GREB1: variants seen among roughly 807,000 people sequenced by gnomAD.
GREB1 encodes protein GREB1.
A neutral mutation model predicts 200.7 loss-of-function variants in GREB1; 106 were observed. The observed-to-expected ratio is 0.53, with a 90% CI of 0.45 to 0.62. GREB1 has a LOEUF of 0.62. Ranked by LOEUF, GREB1 falls within the 20% of genes least tolerant of loss-of-function variation. GREB1 has a pLI of 0.00. For missense variants in GREB1, 2,243 were observed against 2,556.8 expected, an observed-to-expected ratio of 0.88 and a Z score of 2.65; for synonymous variants, 1,132 against 1,092.4, an observed-to-expected ratio of 1.04 and a Z score of -0.72.
chr2:11,537,244 G>A (rs945324329), intron 1 of GREB1, among the ~76,000 whole-genome samples: 3 of 152,070 alleles, frequency 2.0e-5, no homozygotes, highest in Non-Finnish European at 4.4e-5. Context: ...GATAACAGTC[G>A]TGAGCCACCG....
intron 1 of GREB1, among the ~76,000 whole-genome samples, chr2:11,549,769 T>C (rs1331194854): frequency 6.6e-6 from 1 of 152,254 alleles, no homozygotes; most frequent in Non-Finnish European, 1.5e-5. Flanking sequence ...CTGAAGATAT[T>C]AACTGTGGCA....
In GREB1 at chr2:11,576,327, T is replaced by G; in HGVS notation, c.455-26T>G. The G allele has an allele frequency of 2.6e-6, 4 of 1,552,206 alleles. No individual in the cohort carries two copies. The Admixed American group carries it at 6.0e-5, about 23-fold the overall frequency. ...CATCTCAAAAAAAAAAAAAGAAAGATGTTTATGGTTTACTTCCTTCTCCAG... is the reference window on the plus strand; with the variant it reads ...CATCTCAAAAAAAAAAAAAGAAAGAGGTTTATGGTTTACTTCCTTCTCCAG... On this transcript the variant is annotated intron_variant, in intron 4 of 32. Coordinates refer to ENST00000381486, the MANE Select transcript of GREB1 (RefSeq NM_014668.4).
At chr2:11,588,221 C>G in intron 9 of GREB1, 3 of 926,284 alleles carry the variant, frequency 3.2e-6, no homozygotes, top group Non-Finnish European at 3.9e-6. Flanking sequence ...GAGCAAGACA[C>G]TGTCTCAAAA....
At chr2:11,600,457 A>G (rs959590788) in intron 15 of GREB1, among the ~76,000 whole-genome samples, 6 of 152,170 alleles carry the variant, frequency 3.9e-5, no homozygotes, top group Admixed American at 2.6e-4. Context: ...AGATAAGTAC[A>G]CAATCAGATG....
At chr2:11,587,221 C>A (rs1680204148) in intron 9 of GREB1, among the ~76,000 whole-genome samples, 1 of 152,192 alleles carries the variant, frequency 6.6e-6, no homozygotes, top group Non-Finnish European at 1.5e-5. Context: ...TATGTCCAAG[C>A]CCTCCTGAGG....
intron 1 of GREB1, among the ~76,000 whole-genome samples, chr2:11,552,014 T>C (rs1675898793): frequency 6.6e-6 from 1 of 152,274 alleles, no homozygotes; most frequent in Non-Finnish European, 1.5e-5. Context: ...ACTCCGTCTC[T>C]CTTACTGTCC....
In GREB1 at chr2:11,493,006, TC is replaced by T. The variant is rs1028769578; in HGVS notation, c.-159+10628del. On this transcript the variant is annotated intron_variant, in intron 1 of 2. Transcript: ENST00000628795. The surrounding 1 kb of genome is among the most constrained non-coding windows in gnomAD (Gnocchi z 4.6). ...ATCCTGTCAGGAAGCAGAGCCCAAGTCCCAGGAAGGGCTGATGGCAGCTGCT... is the reference window on the plus strand; with the variant it reads ...ATCCTGTCAGGAAGCAGAGCCCAAGTCCAGGAAGGGCTGATGGCAGCTGCT... 6.6e-6 allele frequency among the ~76,000 whole-genome samples: 1 copy of T among 152,166 alleles called. No homozygotes were observed. The highest frequency in any genetic ancestry group is 2.4e-5 in the African/African-American group (1 of 41,460).
At chr2:11,553,122 G>A (rs1323168229) in intron 1 of GREB1, among the ~76,000 whole-genome samples, 1 of 152,098 alleles carries the variant, frequency 6.6e-6, no homozygotes, top group Non-Finnish European at 1.5e-5. Flanking sequence ...TTGGGATAGG[G>A]AGTGGTATTT....
intron 10 of GREB1, among the ~76,000 whole-genome samples, chr2:11,590,317 C>T (rs1293072519): frequency 3.9e-5 from 6 of 152,118 alleles, no homozygotes; most frequent in Non-Finnish European, 7.4e-5. Flanking sequence ...ACTTGGACTC[C>T]GATTGCATCT....
In GREB1 at chr2:11,633,918, A is replaced by T. The variant is rs571128185; in HGVS notation, c.4992-213A>T. ...ATGGAGTTGTTGTGAGAATTGACTA[A>T]ATTATGGTCTGCAAATGTGTTCAGC... is the stretch of plus-strand genomic sequence containing the variant. On this transcript the variant is annotated intron_variant, in intron 28 of 32. Transcript: ENST00000381486. This position sits in a 1 kb window ranked among gnomAD's most constrained non-coding sequence, Gnocchi z 4.1. 1.3e-5 allele frequency among the ~76,000 whole-genome samples: 2 copies of T among 152,300 alleles called. No individual in the cohort carries two copies. The highest frequency in any genetic ancestry group is 1.9e-4 in the East Asian group (1 of 5,176).
intron 26 of GREB1, among the ~76,000 whole-genome samples, chr2:11,630,323 A>G (rs1041660555): frequency 2.0e-5 from 3 of 152,186 alleles, no homozygotes; most frequent in Non-Finnish European, 2.9e-5. Flanking sequence ...TGAACATGTC[A>G]CTTAATATCT....
intron 20 of GREB1, 74 bp from the exon 21 acceptor site, chr2:11,616,557 C>A: frequency 1.1e-6 from 1 of 909,202 alleles, no homozygotes; most frequent in South Asian, 1.3e-5. Flanking sequence ...ACACACTTTA[C>A]ACACTGTGAA....
chr2:11,595,135 C>A, intron 11 of GREB1, 116 bp from the exon 12 acceptor site: 1 of 926,740 alleles, frequency 1.1e-6, no homozygotes, highest in Admixed American at 2.3e-5. Flanking sequence ...AGCTGTTAGC[C>A]ACAGATTCCA....
At chr2:11,544,517 A>T (rs1417220747) in intron 1 of GREB1, among the ~76,000 whole-genome samples, 1 of 151,888 alleles carries the variant, frequency 6.6e-6, no homozygotes, top group Non-Finnish European at 1.5e-5. Context: ...CGCCCGGCCG[A>T]GCCTTTTAAG....
chr2:11,556,429 A>G (rs369717146), intron 1 of GREB1, 25 bp from the exon 2 acceptor site: 1 of 515,438 alleles, frequency 1.9e-6, no homozygotes, highest in Non-Finnish European at 3.4e-6. Context: ...TGTTACTTAT[A>G]TAACTTCCTG....
rs746547232 is a variant in GREB1 at position 11,610,710 on chromosome 2, G to T, written c.2689G>T (p.Val897Leu). 2 of 1,612,798 alleles carry T rather than the reference G, an allele frequency of 1.2e-6. No individual in the cohort carries two copies. The highest frequency in any genetic ancestry group is 1.7e-5 in the Admixed American group (1 of 60,002). The change falls in exon 18 of 33, where the codon GTG becomes TTG. Residue 897 changes from valine to leucine, a missense_variant. By Grantham distance (32) the Val-to-Leu change is conservative. This residue lies in a region of GREB1 where 1,178 missense variants were observed against 1,387.4 expected (regional missense o/e 0.85). Coordinates refer to ENST00000381486, the MANE Select transcript of GREB1 (RefSeq NM_014668.4). ...CAGGTTCCCCCGCCTGCACAGCGCG[G>T]TGATCAGGACCTTTGTTCTCGTGCA... is the stretch of plus-strand genomic sequence containing the variant. ...GKRFPRLHSA[V>L]IRTFVLVQHY...
chr2:11,620,400 G>A (rs1182022609), intron 22 of GREB1, among the ~76,000 whole-genome samples: 1 of 152,156 alleles, frequency 6.6e-6, no homozygotes, highest in African/African-American at 2.4e-5. Flanking sequence ...GCTGGGCTGG[G>A]GAAGCAGGGA....
At chr2:11,608,941 A>G (rs548070916) in intron 17 of GREB1, among the ~76,000 whole-genome samples, 2 of 152,236 alleles carry the variant, frequency 1.3e-5, no homozygotes, top group South Asian at 2.1e-4. Flanking sequence ...TCCTCAACTC[A>G]GGGAGACCAC....
intron 7 of GREB1, among the ~76,000 whole-genome samples, chr2:11,582,301 G>A (rs1679574170): frequency 6.6e-6 from 1 of 152,184 alleles, no homozygotes; most frequent in African/African-American, 2.4e-5. Flanking sequence ...GAGGGGTGTG[G>A]GAGATGGAGC....
Sources: gnomAD v4.1 joint callset for allele counts (sites outside exome capture counted in the v4.1 genomes callset) on GRCh38, gnomAD v4.1.1 for gene constraint, gnomAD v4.1.1 regional missense constraint, Gnocchi (gnomAD v3.1) non-coding constraint, MANE v1.5 for transcripts, NCBI Gene and HGNC (gene_info 2026-07-23, HGNC 2026-07-21) for gene names.